The following RABGAP1L variants were observed in gnomAD, a reference collection of about 807,000 sequenced individuals.
RABGAP1L encodes RAB GTPase activating protein 1 like.
Under a neutral mutation model 137.7 loss-of-function variants are expected in RABGAP1L, and 63 were observed. The ratio of observed to expected loss-of-function variants is 0.46; its 90% CI spans 0.37 to 0.56. RABGAP1L has a LOEUF of 0.56. Among genes scored for constraint, RABGAP1L ranks in the 20% least tolerant of loss-of-function variants. RABGAP1L has a pLI of 0.00. For missense variants in RABGAP1L, 1,095 were observed against 1,244.0 expected, an observed-to-expected ratio of 0.88 and a Z score of 1.80; for synonymous variants, 431 against 433.7, an observed-to-expected ratio of 0.99 and a Z score of 0.08.
intron 11 of RABGAP1L, 76 bp downstream of exon 11, chr1:174,305,203 G>A: frequency 1.4e-6 from 2 of 1,382,506 alleles, no homozygotes; most frequent in Middle Eastern, 2.1e-4. Flanking sequence ...AGGTGTGTGT[G>A]TTGTGGGTAG....
At position 174,914,693 on chromosome 1, in the gene RABGAP1L, A is replaced by G. The variant is rs1203263078; in HGVS notation, c.2341-42764A>G. On this transcript the variant is annotated intron_variant, in intron 19 of 25. Transcript: ENST00000681986. The stretch of plus-strand genomic sequence containing the variant: ...CAACAGCCTTATAAAGGTATAAGTT[A>G]TATAGTATAAAATTCACCTGTTTGT... 3.3e-5 allele frequency among the ~76,000 whole-genome samples: 5 copies of G among 152,218 alleles called. No homozygotes were observed. In the East Asian group the frequency reaches 9.7e-4, roughly 29 times the overall value.
rs1379515492 is a variant in RABGAP1L, at chr1:174,637,389, G to C, written c.1725G>C (p.Glu575Asp). 1 of 1,610,332 alleles carries C rather than the reference G, an allele frequency of 6.2e-7. No individual in the cohort carries two copies. Among genetic ancestry groups the C allele is most frequent in the African/African-American group, 1.3e-5 (1 of 74,850 alleles). Residue 575 changes from glutamate (E) to aspartate (D), a missense_variant, in exon 14 of 26, where the codon GAG becomes GAC. Physicochemically the swap from Glu to Asp is conservative, Grantham distance 45. Transcript: ENST00000681986. The part of the protein sequence containing the change: ...RILITKDSAQ[E>D]SVITRDIHRT... Reference sequence around the variant, plus strand: ...TTCTTTTTTAGGACTCAGCCCAGGAGAGTGTTATTACTCGAGATATTCATC... The same window carrying C: ...TTCTTTTTTAGGACTCAGCCCAGGACAGTGTTATTACTCGAGATATTCATC...
At chr1:174,292,620 A>G (rs1329112006) in intron 10 of RABGAP1L, among the ~76,000 whole-genome samples, 3 of 151,844 alleles carry the variant, frequency 2.0e-5, no homozygotes, top group African/African-American at 2.4e-5. Flanking sequence ...AGTATACTCT[A>G]TATGATTTGA....
intron 14 of RABGAP1L, among the ~76,000 whole-genome samples, chr1:174,648,092 C>CT (rs1245471503): frequency 6.6e-6 from 1 of 151,968 alleles, no homozygotes; most frequent in Admixed American, 6.6e-5. Context: ...ATTCTTCTCT[C>CT]TTTTCTTTTT....
chr1:174,324,720 G>A lies in RABGAP1L; in HGVS notation c.1465+19593G>A, dbSNP rs114620570. On this transcript the variant is annotated intron_variant, in intron 11 of 25. Transcript: ENST00000681986. ...CAGGAAGAGAAAGCCCTAGCTAAAG[G>A]ATCTGCAGAAAAATGATGACAATAT... Among the ~76,000 whole-genome samples, 431 of 152,234 alleles carry A rather than the reference G, an allele frequency of 2.8e-3. 4 individuals are homozygous for A. Among genetic ancestry groups the A allele is most frequent in the African/African-American group, 9.7e-3 (403 of 41,530 alleles).
intron 13 of RABGAP1L, among the ~76,000 whole-genome samples, chr1:174,472,338 A>T (rs1191653329): frequency 6.6e-6 from 1 of 152,224 alleles, no homozygotes; most frequent in Non-Finnish European, 1.5e-5. Context: ...CTAGTGGCTG[A>T]CAGCATGTGG....
intron 18 of RABGAP1L, among the ~76,000 whole-genome samples, chr1:174,756,337 A>G (rs1196939883): frequency 6.6e-6 from 1 of 152,012 alleles, no homozygotes; most frequent in Non-Finnish European, 1.5e-5. Context: ...TTTAGTAGAG[A>G]CGGGGTTTCA....
At chr1:174,548,404 A>G in intron 13 of RABGAP1L, 6 of 978,754 alleles carry the variant, frequency 6.1e-6, no homozygotes, top group Non-Finnish European at 7.4e-6. Flanking sequence ...ATAAGTGGAA[A>G]TAATGAAGAA....
chr1:174,305,030 G>C lies in RABGAP1L; in HGVS notation c.1368G>C (p.Glu456Asp), dbSNP rs776402572. The change falls in exon 11 of 26, where the codon GAG becomes GAC. Residue 456 changes from glutamate to aspartate, a missense_variant. Physicochemically the swap from Glu to Asp is conservative, Grantham distance 45 (BLOSUM62 2). Coordinates refer to ENST00000681986, the MANE Select transcript of RABGAP1L (RefSeq NM_001366446.1). ...CCAATGCTGGAGATGCAATATATGA[G>C]GTGGTGAGTCTACAGCGAGAGTCTG... ...GHTNAGDAIY[E>D]VVSLQRESDK... The C allele has an allele frequency of 1.9e-6, 3 of 1,565,050 alleles. No homozygotes were observed. In the African/African-American group the frequency reaches 4.2e-5, roughly 22 times the overall value.
At chr1:174,914,412 C>A (rs1386838890) in intron 19 of RABGAP1L, among the ~76,000 whole-genome samples, 1 of 152,162 alleles carries the variant, frequency 6.6e-6, no homozygotes, top group Non-Finnish European at 1.5e-5. Flanking sequence ...GCAGGGATGG[C>A]TGGGAATGAT....
intron 19 of RABGAP1L, among the ~76,000 whole-genome samples, chr1:174,902,199 C>T (rs998063964): frequency 6.6e-6 from 1 of 152,198 alleles, no homozygotes; most frequent in African/African-American, 2.4e-5. Flanking sequence ...AGTCTGGCTG[C>T]TTTTTGGTAG....
intron 13 of RABGAP1L, among the ~76,000 whole-genome samples, chr1:174,520,920 G>C (rs1663306474): frequency 6.6e-6 from 1 of 152,192 alleles, no homozygotes; most frequent in Non-Finnish European, 1.5e-5. Flanking sequence ...AGAATCGCTT[G>C]AACCCAGGAG....
At chr1:174,364,653 T>TAGC (rs1165904961) in intron 11 of RABGAP1L, among the ~76,000 whole-genome samples, 1 of 152,240 alleles carries the variant, frequency 6.6e-6, no homozygotes, top group Non-Finnish European at 1.5e-5. Context: ...TTGCTCATAG[T>TAGC]AGCCACAAAT....
chr1:174,550,404 C>T (rs1239900018), intron 13 of RABGAP1L, among the ~76,000 whole-genome samples: 2 of 152,200 alleles, frequency 1.3e-5, no homozygotes, highest in Non-Finnish European at 1.5e-5. Flanking sequence ...AGTGGCCATG[C>T]TTCTGAAAAT....
At chr1:174,474,494 A>G (rs1658277117) in intron 13 of RABGAP1L, among the ~76,000 whole-genome samples, 1 of 152,236 alleles carries the variant, frequency 6.6e-6, no homozygotes, top group Non-Finnish European at 1.5e-5. Context: ...GTATGTAAAG[A>G]AGCAGTGTAT....
intron 17 of RABGAP1L, among the ~76,000 whole-genome samples, chr1:174,737,538 T>A (rs1324599779): frequency 6.6e-6 from 1 of 152,074 alleles, no homozygotes; most frequent in Non-Finnish European, 1.5e-5. Flanking sequence ...TTCCTTTCTT[T>A]CTCTGAGCCC....
chr1:174,258,470 G>A (rs1673304861), intron 7 of RABGAP1L, among the ~76,000 whole-genome samples: 1 of 151,964 alleles, frequency 6.6e-6, no homozygotes, highest in Non-Finnish European at 1.5e-5. Context: ...CTTTTTTTTG[G>A]AGAGATGGGG....
chr1:174,745,669 A>G (rs940630705), intron 17 of RABGAP1L, among the ~76,000 whole-genome samples: 1 of 152,222 alleles, frequency 6.6e-6, no homozygotes, highest in Non-Finnish European at 1.5e-5. Flanking sequence ...GAGAGGATTA[A>G]GTGAAAAATA....
intron 4 of RABGAP1L, among the ~76,000 whole-genome samples, chr1:174,232,563 CA>C (rs1670761664): frequency 2.0e-5 from 3 of 151,402 alleles, no homozygotes; most frequent in Non-Finnish European, 4.4e-5. Context: ...GTGGGTGGAT[CA>C]CGAGGTCAGG....
Sources: gnomAD v4.1 joint callset for allele counts (sites outside exome capture counted in the v4.1 genomes callset) on GRCh38, gnomAD v4.1.1 for gene constraint, MANE v1.5 for transcripts, NCBI Gene and HGNC (gene_info 2026-07-23, HGNC 2026-07-21) for gene names.